NUDT4: variants seen among roughly 807,000 people sequenced by gnomAD.
The protein encoded by NUDT4 is nudix hydrolase 4, also known as diphosphoinositol polyphosphate phosphohydrolase 2.
Under a neutral mutation model 23.1 loss-of-function variants are expected in NUDT4, and 5 were observed. The ratio of observed to expected loss-of-function variants is 0.22; its 90% confidence interval spans 0.11 to 0.46. The LOEUF (loss-of-function observed/expected upper bound fraction) is 0.46. Among genes scored for constraint, NUDT4 ranks in the 20% least tolerant of loss-of-function variants. The pLI, the probability that NUDT4 is intolerant of heterozygous loss-of-function variation, is 0.99. For missense variants in NUDT4, 96 were observed against 211.6 expected (o/e 0.45, Z 3.39); for synonymous variants, 50 against 79.0 (o/e 0.63, Z 1.95).
At chr12:93,385,819 A>G (rs1180629673) in intron 1 of NUDT4, among the ~76,000 whole-genome samples, 1 of 151,450 alleles carries the variant, frequency 6.6e-6, no homozygotes, top group Admixed American at 6.6e-5. Context: ...TTATGTTGCT[A>G]TGATTCAGCA....
At chr12:93,384,671 A>T (rs193125499) in intron 1 of NUDT4, among the ~76,000 whole-genome samples, 7 of 152,358 alleles carry the variant, frequency 4.6e-5, no homozygotes, top group Admixed American at 4.6e-4. Context: ...CACGGGCCAC[A>T]GGTTGAGCAG....
Position 93,399,100 on chromosome 12 carries a change from G to A in NUDT4, c.341-77G>A, listed in dbSNP as rs939780069. ...TATTGTTGTCTAAGTCATTTATCGG[G>A]GAGTAAGTGGACATTACTTATATGG... is the stretch of plus-strand genomic sequence containing the variant. On this transcript the variant is annotated intron_variant, in intron 4 of 4. Coordinates refer to ENST00000415493, the MANE Select transcript of NUDT4 (RefSeq NM_019094.6). The A allele has an allele frequency of 3.0e-6, 3 of 998,284 alleles. No individual in the cohort carries two copies. In the African/African-American group the frequency reaches 4.8e-5, roughly 16 times the overall value. 61.8% of individuals were successfully genotyped at this position (998,284 alleles called of 1,614,324 possible). A position where few individuals can be genotyped will look rare whatever the true frequency, so the allele number is the denominator to read the frequency against.
chr12:93,395,631 T>C, intron 3 of NUDT4, 98 bp downstream of exon 3: 3 of 968,312 alleles, frequency 3.1e-6, no homozygotes, highest in South Asian at 2.6e-5. Context: ...CAGACATTTC[T>C]CTCAGACTAG....
chr12:93,400,263 C>G lies in NUDT4; in HGVS notation c.*884C>G, dbSNP rs2120989750. On this transcript the variant is annotated 3_prime_UTR_variant, in exon 5 of 5. Coordinates refer to ENST00000415493, the MANE Select transcript of NUDT4 (RefSeq NM_019094.6). The stretch of plus-strand genomic sequence containing the variant: ...AATGTATTCAGTTATTTAGTGGCCC[C>G]CACAGGAGTGGAGTCTTGAAATCTA... The G allele has an allele frequency of 6.6e-6, 1 of 151,940 alleles. No individual in the cohort carries two copies. Among genetic ancestry groups the G allele is most frequent in the Admixed American group, 6.6e-5 (1 of 15,240 alleles). The allele number at this position is 151,940 out of a possible 1,614,324, so 9.4% of individuals were successfully genotyped here.
chr12:93,388,198 A>C (rs554844044), intron 1 of NUDT4, among the ~76,000 whole-genome samples: 2 of 152,386 alleles, frequency 1.3e-5, no homozygotes, highest in African/African-American at 4.8e-5. Context: ...TATTGGTCTG[A>C]CCAAATTTAT....
intron 3 of NUDT4, 79 bp downstream of exon 3, chr12:93,395,612 A>G: frequency 9.0e-7 from 1 of 1,112,332 alleles, no homozygotes; most frequent in Non-Finnish European, 1.4e-6. Flanking sequence ...ATGTGGCAGC[A>G]GCCTGAACCA....
intron 1 of NUDT4, chr12:93,380,864 T>C (rs371921775): frequency 6.6e-6 from 1 of 152,222 alleles, no homozygotes; most frequent in East Asian, 1.9e-4. Flanking sequence ...TGTTTCCCTC[T>C]ACTGGATGAA....
At position 93,378,106 on chromosome 12, in the gene NUDT4, G is replaced by T; in HGVS notation, c.-217G>T. 3.9e-6 allele frequency: 1 copy of T among 255,244 alleles called. No individual in the cohort carries two copies. Among genetic ancestry groups the T allele is most frequent in the African/African-American group, 2.3e-5 (1 of 44,132 alleles). 15.8% of individuals were successfully genotyped at this position (255,244 alleles called of 1,614,324 possible). On this transcript the variant is annotated 5_prime_UTR_variant, in exon 1 of 5. Transcript: ENST00000415493. ...GGCGGAGCTTTCATCTCGGCACCCTGGTTCCAGTGACCCGCGCTAGCGTCC... is the reference window on the plus strand; with the variant it reads ...GGCGGAGCTTTCATCTCGGCACCCTTGTTCCAGTGACCCGCGCTAGCGTCC...
At chr12:93,385,816 G>A (rs1876016513) in intron 1 of NUDT4, among the ~76,000 whole-genome samples, 1 of 150,724 alleles carries the variant, frequency 6.6e-6, no homozygotes, top group Non-Finnish European at 1.5e-5. Context: ...TGGTTATGTT[G>A]CTATGATTCA....
At chr12:93,394,261 C>A (rs1245860497) in intron 1 of NUDT4, among the ~76,000 whole-genome samples, 2 of 152,178 alleles carry the variant, frequency 1.3e-5, no homozygotes, top group Non-Finnish European at 2.9e-5. Flanking sequence ...CTCGGCCTCC[C>A]AGAGTGCTGG....
At chr12:93,398,702 T>C in intron 3 of NUDT4, 69 bp from the exon 4 acceptor site, 1 of 1,074,528 alleles carries the variant, frequency 9.3e-7, no homozygotes, top group Non-Finnish European at 1.4e-6. Flanking sequence ...ACTAATTTTT[T>C]TCCCTTGGAA....
chr12:93,381,416 TA>T (rs1031153189), intron 1 of NUDT4, among the ~76,000 whole-genome samples: 2 of 152,246 alleles, frequency 1.3e-5, no homozygotes, highest in African/African-American at 4.8e-5. Context: ...ACAATGCTTT[TA>T]CAAATAGGTA....
At position 93,402,837 on chromosome 12, in the gene NUDT4, A is replaced by G. The variant is rs1877561590; in HGVS notation, c.*3458A>G. On this transcript the variant is annotated 3_prime_UTR_variant, in exon 5 of 5. Coordinates refer to ENST00000415493, the MANE Select transcript of NUDT4 (RefSeq NM_019094.6). ...TTCCATTTAAAAGCATAACTGGCTA[A>G]GTCACCGCCCCACCCGCCGCATTAC... is the stretch of plus-strand genomic sequence containing the variant. 1 of 134,256 alleles carries G rather than the reference A, an allele frequency of 7.4e-6. No homozygotes were observed. Among genetic ancestry groups the G allele is most frequent in the African/African-American group, 3.0e-5 (1 of 33,434 alleles). 8.3% of individuals were successfully genotyped at this position (134,256 alleles called of 1,614,324 possible).
At chr12:93,397,075 A>G (rs1565783131) in intron 3 of NUDT4, among the ~76,000 whole-genome samples, 1 of 152,230 alleles carries the variant, frequency 6.6e-6, no homozygotes, top group Non-Finnish European at 1.5e-5. Flanking sequence ...ATGGGAAGGT[A>G]ACAGTATTAA....
At position 93,404,383 on chromosome 12, in the gene NUDT4, G is replaced by GTT. The variant is rs1877682170; in HGVS notation, c.*5005_*5006insTT. 6.6e-6 allele frequency: 1 copy of GTT among 152,220 alleles called. No individual in the cohort carries two copies. 9.4% of individuals were successfully genotyped at this position (152,220 alleles called of 1,614,324 possible). On this transcript the variant is annotated 3_prime_UTR_variant, in exon 5 of 5. Transcript: ENST00000415493. ...AAATGACATTTGCGTAAGGATCTGA[G>GTT]TGGAAACTGATACAGCCTGTCGGAG... is the stretch of plus-strand genomic sequence containing the variant.
rs1877770923 is a variant in NUDT4, at chr12:93,405,680, C to T, written c.*6301C>T. 1 of 152,188 alleles carries T rather than the reference C, an allele frequency of 6.6e-6. No homozygotes were observed. Among genetic ancestry groups the T allele is most frequent in the Admixed American group, 6.5e-5 (1 of 15,280 alleles). The allele number at this position is 152,188 out of a possible 1,614,324, so 9.4% of individuals were successfully genotyped here. ...AGTTAAGAAAACAAACAATATATTACTAGTCCAGGTGGTAGATGACAGATT... is the reference window on the plus strand; with the variant it reads ...AGTTAAGAAAACAAACAATATATTATTAGTCCAGGTGGTAGATGACAGATT... On this transcript the variant is annotated 3_prime_UTR_variant, in exon 5 of 5. Coordinates refer to ENST00000415493, the MANE Select transcript of NUDT4 (RefSeq NM_019094.6).
At chr12:93,397,153 G>A (rs1228114627) in intron 3 of NUDT4, among the ~76,000 whole-genome samples, 1 of 152,140 alleles carries the variant, frequency 6.6e-6, no homozygotes, top group Non-Finnish European at 1.5e-5. Context: ...GAAAATATAA[G>A]GGAAAATTGG....
intron 1 of NUDT4, among the ~76,000 whole-genome samples, chr12:93,387,869 C>G (rs1876221698): frequency 6.6e-6 from 1 of 152,040 alleles, no homozygotes; most frequent in Non-Finnish European, 1.5e-5. Flanking sequence ...ATTTTTCCAC[C>G]CTGGCAGACA....
intron 4 of NUDT4, 96 bp downstream of exon 4, chr12:93,398,951 C>T (rs1877146628): frequency 1.1e-6 from 1 of 921,458 alleles, no homozygotes; most frequent in African/African-American, 1.7e-5. Flanking sequence ...TCTGAATACT[C>T]TTTGCTTATA....
Sources: allele counts gnomAD v4.1 joint callset (sites outside exome capture counted in the v4.1 genomes callset), GRCh38; gene constraint gnomAD v4.1.1; transcripts MANE v1.5; gene names NCBI Gene and HGNC (gene_info 2026-07-23, HGNC 2026-07-21).